The following LONRF3 variants were observed in gnomAD, a reference collection of about 807,000 sequenced individuals.
LONRF3 encodes the protein LON peptidase N-terminal domain and RING finger protein 3.
A neutral mutation model predicts 51.7 loss-of-function variants in LONRF3; 19 were observed. The observed-to-expected ratio is 0.37, with a 90% CI of 0.26 to 0.54. The LOEUF (loss-of-function observed/expected upper bound fraction) is 0.54. LONRF3 is among the 20% of genes least tolerant of loss of function. The pLI is 0.86. For missense variants in LONRF3, 521 were observed against 623.9 expected (o/e 0.84, Z 1.76); for synonymous variants, 265 against 257.8 (o/e 1.03, Z -0.27).
intron 5 of LONRF3, among the ~76,000 whole-genome samples, chrX:118,998,124 C>T (rs1190931154): frequency 8.9e-6 from 1 of 112,022 alleles, no homozygotes; most frequent in Non-Finnish European, 1.9e-5. Context: ...TGGGTATCTA[C>T]CCAGAGGAAA....
At chrX:118,988,784 G>T (rs2147277410) in intron 3 of LONRF3, among the ~76,000 whole-genome samples, 1 of 101,794 alleles carries the variant, frequency 9.8e-6, no homozygotes, top group South Asian at 4.6e-4. Context: ...GATTTTTTTT[G>T]CCAGGTGATT....
intron 5 of LONRF3, among the ~76,000 whole-genome samples, chrX:118,999,410 A>T (rs1393580392): frequency 8.9e-6 from 1 of 112,099 alleles, no homozygotes; most frequent in Non-Finnish European, 1.9e-5. Flanking sequence ...AGGCAGAGCA[A>T]TGGGCTCCTG....
chrX:118,987,053 C>A (rs1244798797), intron 3 of LONRF3: 9 of 1,151,126 alleles, frequency 7.8e-6, no homozygotes, highest in Non-Finnish European at 1.0e-5. Flanking sequence ...CTGAAGTTAC[C>A]AGCCATAATC....
At chrX:118,978,510 G>A in intron 2 of LONRF3, 47 bp downstream of exon 2, 2 of 883,311 alleles carry the variant, frequency 2.3e-6, no homozygotes, top group East Asian at 3.2e-5. Flanking sequence ...CTGTAGACAG[G>A]TATTGGCAGG....
chrX:119,013,005 G>T, intron 8 of LONRF3, 34 bp from the exon 9 acceptor site: 1 of 1,207,409 alleles, frequency 8.3e-7, no homozygotes, highest in Non-Finnish European at 1.1e-6. Flanking sequence ...ACTCATCAAG[G>T]ATCTAGTCTC....
intron 6 of LONRF3, 65 bp from the exon 7 acceptor site, chrX:119,009,061 A>T: frequency 1.0e-6 from 1 of 998,425 alleles, no homozygotes; most frequent in South Asian, 2.2e-5. Flanking sequence ...ATTACATCAG[A>T]AGTGTTTTGC....
rs773861315 is a variant in LONRF3, at chrX:119,010,885, C to T, written c.1653-930C>T. Among the ~76,000 whole-genome samples the T allele has an allele frequency of 6.4e-5, 7 of 110,157 alleles. No homozygotes were observed. In the South Asian group the frequency reaches 2.0e-3, roughly 31 times the overall value. ...TCCTAGTATTTTGGGAGGCAGAGGC[C>T]GGTGGATTGCTTGAGGTCAGGAGTT... On this transcript the variant is annotated intron_variant, in intron 7 of 10. Transcript: ENST00000371628.
In LONRF3 at chrX:118,990,367, G is replaced by C. The variant is rs936686487; in HGVS notation, c.1325-103G>C. 147 of 597,649 alleles carry C rather than the reference G, an allele frequency of 2.5e-4. 1 individual carries two copies. The highest frequency in any genetic ancestry group is 3.8e-4 in the Non-Finnish European group (137 of 359,385). 49.3% of individuals were successfully genotyped at this position (597,649 alleles called of 1,213,427 possible). A position where few individuals can be genotyped will look rare whatever the true frequency, so the allele number is the denominator to read the frequency against. Reference sequence around the variant, plus strand: ...AATCAACTCTCTGGGAGGTGGTGGTGAGAGTGGCAAACTGAAAAACGCATT... The same window carrying C: ...AATCAACTCTCTGGGAGGTGGTGGTCAGAGTGGCAAACTGAAAAACGCATT... On this transcript the variant is annotated intron_variant, in intron 4 of 10. Transcript: ENST00000371628.
At chrX:118,993,330 A>G (rs187643494) in intron 5 of LONRF3, among the ~76,000 whole-genome samples, 1 of 111,910 alleles carries the variant, frequency 8.9e-6, no homozygotes, top group Non-Finnish European at 1.9e-5. Context: ...TAAAGAAAAA[A>G]CAATAAAAAA....
At chrX:118,987,456 T>TTC (rs1207530561) in intron 3 of LONRF3, among the ~76,000 whole-genome samples, 1 of 87,342 alleles carries the variant, frequency 1.1e-5, no homozygotes, top group Non-Finnish European at 2.2e-5. Context: ...TTTTTTTTTT[T>TTC]TTTTTTTTTT....
intron 2 of LONRF3, among the ~76,000 whole-genome samples, 187 bp from the exon 3 acceptor site, chrX:118,982,634 T>G (rs1304100012): frequency 8.9e-6 from 1 of 111,891 alleles, no homozygotes; most frequent in African/African-American, 3.3e-5. Context: ...CAAGTTAACG[T>G]TTTTGGGTTT....
Position 118,987,972 on chromosome X carries a change from G to A in LONRF3, c.1060-1436G>A, listed in dbSNP as rs771215009. ...AGGAAACAGAACACAAGAGAGATGG[G>A]TTCCAGGCCCTGGCTTTCCCGGCAG... On this transcript the variant is annotated intron_variant, in intron 3 of 10. Transcript: ENST00000371628. Among the ~76,000 whole-genome samples the A allele has an allele frequency of 2.7e-5, 3 of 111,727 alleles. No individual in the cohort carries two copies. The South Asian group carries it at 1.2e-3, about 43-fold the overall frequency.
rs1922688037 is a variant in LONRF3 at position 118,983,019 on chromosome X, G to A, written c.1059+76G>A. The A allele has an allele frequency of 2.7e-6, 3 of 1,098,870 alleles. No homozygotes were observed. In the African/African-American group the frequency reaches 5.5e-5, roughly 20 times the overall value. 90.6% of individuals were successfully genotyped at this position (1,098,870 alleles called of 1,213,427 possible). On this transcript the variant is annotated intron_variant, in intron 3 of 10. Coordinates refer to ENST00000371628, the MANE Select transcript of LONRF3 (RefSeq NM_001031855.3). ...TGTCTTATCTAGGAAGGGGAGTGAG[G>A]GTGCTGTCCTCCTTGGCATTTGGGG...
intron 5 of LONRF3, among the ~76,000 whole-genome samples, chrX:118,995,643 A>G (rs1383326243): frequency 8.9e-6 from 1 of 112,400 alleles, no homozygotes; most frequent in Non-Finnish European, 1.9e-5. Flanking sequence ...CTCACTAAGA[A>G]ATAAAACAGG....
intron 10 of LONRF3, among the ~76,000 whole-genome samples, chrX:119,016,773 A>G (rs1015883028): frequency 8.9e-6 from 1 of 111,993 alleles, no homozygotes; most frequent in Non-Finnish European, 1.9e-5. Context: ...GGCCCTGTAT[A>G]GTGACATGGT....
intron 5 of LONRF3, among the ~76,000 whole-genome samples, chrX:119,003,342 C>A (rs1025234564): frequency 4.5e-5 from 5 of 111,665 alleles, no homozygotes; most frequent in African/African-American, 1.3e-4. Flanking sequence ...ATCTTATGAA[C>A]GTTTTATTGT....
At chrX:118,995,052 G>A (rs1403710115) in intron 5 of LONRF3, among the ~76,000 whole-genome samples, 2 of 112,096 alleles carry the variant, frequency 1.8e-5, no homozygotes, top group African/African-American at 6.5e-5. Flanking sequence ...ATTCAACAGT[G>A]CATGAAACTT....
chrX:118,994,491 C>G (rs946404668), intron 5 of LONRF3, among the ~76,000 whole-genome samples: 1 of 110,479 alleles, frequency 9.1e-6, no homozygotes, highest in African/African-American at 3.3e-5. Flanking sequence ...GCAACATTCG[C>G]CACCGGGTTC....
chrX:118,975,418 G>A lies in LONRF3; in HGVS notation c.638G>A (p.Arg213Gln), dbSNP rs1002537008. The change falls in exon 1 of 11, where the codon CGG (arginine) becomes CAG (glutamine). Residue 213 changes from arginine to glutamine, a missense_variant. Coordinates refer to ENST00000371628, the MANE Select transcript of LONRF3 (RefSeq NM_001031855.3). Reference protein sequence around the residue: ...MVATGRARGARRAGQQPPPPL... With the variant: ...MVATGRARGAQRAGQQPPPPL... Reference sequence around the variant, plus strand: ...GCCACTGGGCGGGCGCGTGGAGCCCGGCGGGCTGGGCAGCAGCCGCCGCCG... The same window carrying A: ...GCCACTGGGCGGGCGCGTGGAGCCCAGCGGGCTGGGCAGCAGCCGCCGCCG... 1 of 1,193,131 alleles carries A rather than the reference G, an allele frequency of 8.4e-7. No individual in the cohort carries two copies.
Sources: allele counts gnomAD v4.1 joint callset (sites outside exome capture counted in the v4.1 genomes callset), GRCh38; gene constraint gnomAD v4.1.1; transcripts MANE v1.5; gene names NCBI Gene and HGNC (gene_info 2026-07-23, HGNC 2026-07-21).